Variants in DNAH11 observed in about 807,000 individuals in gnomAD.
DNAH11 encodes the protein axonemal beta dynein heavy chain 11.
DNAH11 carries 442 observed loss-of-function variants against 526.0 expected under a neutral mutation model. The ratio of observed to expected loss-of-function variants is 0.84; its 90% CI spans 0.78 to 0.91. The LOEUF (loss-of-function observed/expected upper bound fraction) is 0.91, where lower values mean the gene tolerates loss of function less well. Among genes scored for constraint, DNAH11 ranks in the 40% least tolerant of loss-of-function variants. DNAH11 has a pLI of 0.00. For missense variants in DNAH11, 6,989 were observed against 5,448.7 expected (o/e 1.28, Z -8.90); for synonymous variants, 2,461 against 1,935.9 (o/e 1.27, Z -7.12).
intron 54 of DNAH11, among the ~76,000 whole-genome samples, chr7:21,759,858 A>G (rs563961829): frequency 6.6e-6 from 1 of 152,324 alleles, no homozygotes; most frequent in East Asian, 1.9e-4. Context: ...ATGAGTCATA[A>G]CACCTGTGTG....
At chr7:21,623,572 C>A (rs1367725307) in intron 25 of DNAH11, among the ~76,000 whole-genome samples, 7 of 152,156 alleles carry the variant, frequency 4.6e-5, no homozygotes, top group Non-Finnish European at 1.0e-4. Context: ...ACCCAAATGT[C>A]CAACAATGAT....
At chr7:21,764,535 C>A (rs1052400755) in intron 54 of DNAH11, among the ~76,000 whole-genome samples, 1 of 152,128 alleles carries the variant, frequency 6.6e-6, no homozygotes, top group African/African-American at 2.4e-5. Flanking sequence ...TCCTCACGTA[C>A]GCAGGGACTT....
intron 43 of DNAH11, among the ~76,000 whole-genome samples, chr7:21,719,021 T>C (rs1784777669): frequency 6.6e-6 from 1 of 152,192 alleles, no homozygotes; most frequent in Non-Finnish European, 1.5e-5. Context: ...AAAAAAGCAT[T>C]ATCGTGTTCT....
At chr7:21,889,245 C>A (rs1784244049) in intron 76 of DNAH11, among the ~76,000 whole-genome samples, 1 of 152,196 alleles carries the variant, frequency 6.6e-6, no homozygotes, top group Non-Finnish European at 1.5e-5. Flanking sequence ...CCTTTTAAGT[C>A]TGAATAATGT....
intron 54 of DNAH11, among the ~76,000 whole-genome samples, chr7:21,755,064 T>C (rs1786569404): frequency 6.6e-6 from 1 of 152,194 alleles, no homozygotes; most frequent in African/African-American, 2.4e-5. Context: ...TGAACACACC[T>C]GGCAGGTCGA....
chr7:21,573,883 A>G (rs999170146), intron 8 of DNAH11, among the ~76,000 whole-genome samples: 1 of 152,196 alleles, frequency 6.6e-6, no homozygotes, highest in African/African-American at 2.4e-5. Context: ...GTTCCAGTAA[A>G]TTAAAGAAAT....
intron 25 of DNAH11, among the ~76,000 whole-genome samples, chr7:21,627,936 C>G (rs1246617484): frequency 6.6e-6 from 1 of 151,948 alleles, no homozygotes; most frequent in African/African-American, 2.4e-5. Context: ...TTGTGTGTGT[C>G]TTCAGTTTTT....
chr7:21,765,566 A>T lies in DNAH11; in HGVS notation c.9079A>T (p.Ile3027Phe). The change falls in exon 55 of 82, where the codon ATT (isoleucine) becomes TTT (phenylalanine). Residue 3027 changes from isoleucine to phenylalanine, a missense_variant. Transcript: ENST00000409508. ...TCTGGTCTCCGTCAGCAGGAGGTTC[A>T]TTGAGGAAACCAAGGGAATTGAGGT... ...EALVSVSRRF[I>F]EETKGIEPVH... is the part of the protein sequence containing the mutation. The T allele has an allele frequency of 6.4e-7, 1 of 1,561,356 alleles. No homozygotes were observed. Among genetic ancestry groups the T allele is most frequent in the South Asian group, 1.1e-5 (1 of 90,018 alleles).
chr7:21,596,135 C>T (rs953072230), intron 14 of DNAH11, among the ~76,000 whole-genome samples: 7 of 152,286 alleles, frequency 4.6e-5, no homozygotes, highest in African/African-American at 1.7e-4. Context: ...TTAATTTTCC[C>T]ATCAATGACA....
intron 44 of DNAH11, among the ~76,000 whole-genome samples, chr7:21,723,886 C>T (rs1038766108): frequency 1.3e-5 from 2 of 152,110 alleles, no homozygotes; most frequent in African/African-American, 4.8e-5. Flanking sequence ...AAATAGGTTG[C>T]CTCTGTTATT....
In DNAH11 at chr7:21,758,921, C is replaced by A. The variant is rs114369622; in HGVS notation, c.8941-6507C>A. Among the ~76,000 whole-genome samples the A allele has an allele frequency of 1.7e-3, 259 of 152,340 alleles. 1 individual carries two copies. The highest frequency in any genetic ancestry group is 5.8e-3 in the African/African-American group (243 of 41,582). ...CCCATTGCGTCAGCAGAAACACCAT[C>A]TACTCTAACAGAGCAGCGCTGATCA... is the stretch of plus-strand genomic sequence containing the variant. On this transcript the variant is annotated intron_variant, in intron 54 of 81. Coordinates refer to ENST00000409508, the MANE Select transcript of DNAH11 (RefSeq NM_001277115.2).
chr7:21,691,664 C>T (rs1253374116), intron 35 of DNAH11, among the ~76,000 whole-genome samples: 2 of 152,118 alleles, frequency 1.3e-5, no homozygotes, highest in African/African-American at 4.8e-5. Context: ...TAAGATATTA[C>T]AGTAGGCATG....
rs200604870 is a variant in DNAH11 at position 21,852,556 on chromosome 7, A to G, written c.10986A>G (p.Gly3662=). The G allele has an allele frequency of 4.0e-5, 64 of 1,612,680 alleles. No homozygotes were observed. The highest frequency in any genetic ancestry group is 6.7e-5 in the African/African-American group (5 of 74,794). The change falls in exon 67 of 82, where the codon GGA becomes GGG. Residue 3662 remains glycine (G), a synonymous_variant. Coordinates refer to ENST00000409508, the MANE Select transcript of DNAH11 (RefSeq NM_001277115.2). The part of the protein sequence containing the change: ...DLLLRLSAAE[G]SFLDDTKLVE... Reference sequence around the variant, plus strand: ...TTTTGCGCCTTTCTGCGGCAGAGGGAAGCTTTCTGGATGACACCAAACTGG... The same window carrying G: ...TTTTGCGCCTTTCTGCGGCAGAGGGGAGCTTTCTGGATGACACCAAACTGG...
chr7:21,566,966 TA>T (rs1293793616), intron 6 of DNAH11, among the ~76,000 whole-genome samples: 1 of 152,222 alleles, frequency 6.6e-6, no homozygotes, highest in Non-Finnish European at 1.5e-5. Context: ...TCCTTGATTG[TA>T]AACAGTATGC....
chr7:21,872,123 C>CGAAAAAAAAAAAAA (rs1783519056), intron 73 of DNAH11, among the ~76,000 whole-genome samples: 1 of 30,832 alleles, frequency 3.2e-5, no homozygotes, highest in Non-Finnish European at 5.6e-5. Flanking sequence ...GACTCTGTCT[C>CGAAAAAAAAAAAAA]AAAAAAAAAA....
chr7:21,888,872 T>A (rs1784227997), intron 76 of DNAH11, among the ~76,000 whole-genome samples: 2 of 152,176 alleles, frequency 1.3e-5, no homozygotes, highest in South Asian at 2.1e-4. Context: ...TTCTTTTTGT[T>A]TTTAAAAAAG....
chr7:21,625,523 T>C (rs1010993184), intron 25 of DNAH11, among the ~76,000 whole-genome samples: 1 of 152,172 alleles, frequency 6.6e-6, no homozygotes. Context: ...CTGATCGTTA[T>C]CATTTTTTCC....
intron 63 of DNAH11, among the ~76,000 whole-genome samples, chr7:21,808,788 T>C (rs1261182417): frequency 6.6e-6 from 1 of 152,234 alleles, no homozygotes; most frequent in South Asian, 2.1e-4. Context: ...CATCTGTTGT[T>C]GGACACTTAG....
chr7:21,823,544 A>G (rs1369779443), intron 65 of DNAH11, among the ~76,000 whole-genome samples: 1 of 152,186 alleles, frequency 6.6e-6, no homozygotes, highest in Non-Finnish European at 1.5e-5. Flanking sequence ...TCCTTTACAT[A>G]GTATATTTTC....
Sources: gnomAD v4.1 joint callset for allele counts (sites outside exome capture counted in the v4.1 genomes callset) on GRCh38, gnomAD v4.1.1 for gene constraint, MANE v1.5 for transcripts, NCBI Gene and HGNC (gene_info 2026-07-23, HGNC 2026-07-21) for gene names.